Variants in SERPINA4 observed in about 807,000 individuals in gnomAD.
The protein encoded by SERPINA4 is kallistatin.
A neutral mutation model predicts 25.4 loss-of-function variants in SERPINA4; 24 were observed. The ratio of observed to expected loss-of-function variants is 0.95; its 90% CI spans 0.69 to 1.33. SERPINA4 has a LOEUF of 1.33. SERPINA4 is among the 40% of genes most tolerant of loss of function. The pLI is 0.00. For synonymous variants in SERPINA4, 242 were observed against 223.6 expected, an observed-to-expected ratio of 1.08 and a Z score of -0.73; for missense variants, 553 against 535.8, an observed-to-expected ratio of 1.03 and a Z score of -0.32.
chr14:94,564,124 C>T lies in SERPINA4; in HGVS notation c.642C>T (p.Tyr214=). The T allele has an allele frequency of 1.2e-6, 2 of 1,600,138 alleles. No homozygotes were observed. Among genetic ancestry groups the T allele is most frequent in the Non-Finnish European group, 1.7e-6 (2 of 1,179,848 alleles). Residue 214 remains tyrosine (Y), a synonymous_variant, in exon 2 of 5, where the codon TAC becomes TAT. Coordinates refer to ENST00000557004, the MANE Select transcript of SERPINA4 (RefSeq NM_006215.4). Reference sequence around the variant, plus strand: ...TGATGGTGCTGGTGAATTACATTTACTTCAAAGGTGAGAGTCAGATCATTG... The same window carrying T: ...TGATGGTGCTGGTGAATTACATTTATTTCAAAGGTGAGAGTCAGATCATTG... ...DVLMVLVNYI[Y]FKALWEKPFI...
chr14:94,563,685 C>G lies in SERPINA4; in HGVS notation c.203C>G (p.Ser68Trp). The G allele has an allele frequency of 6.2e-7, 1 of 1,613,890 alleles. No homozygotes were observed. The highest frequency in any genetic ancestry group is 8.5e-7 in the Non-Finnish European group (1 of 1,180,044). ...FAFRFYYLIASETPGKNIFFS... is the reference protein window; with the variant it reads ...FAFRFYYLIAWETPGKNIFFS... The stretch of plus-strand genomic sequence containing the variant: ...TTCCGCTTCTACTACCTGATCGCTT[C>G]GGAGACCCCGGGGAAGAACATCTTT... Residue 68 changes from serine to tryptophan, a missense_variant, in exon 2 of 5, where the codon TCG becomes TGG. Ser to Trp is a radical substitution (Grantham distance 177). Coordinates refer to ENST00000557004, the MANE Select transcript of SERPINA4 (RefSeq NM_006215.4).
At chr14:94,561,771 CACTG>C in intron 1 of SERPINA4, 1 of 1,289,774 alleles carries the variant, frequency 7.8e-7, no homozygotes, top group South Asian at 1.2e-5. Context: ...TACAGGGCGG[CACTG>C]ACTGAGGGCC....
At position 94,563,571 on chromosome 14, in the gene SERPINA4, G is replaced by T. The variant is rs1430785824; in HGVS notation, c.89G>T (p.Ser30Ile). ...CTGCACGTTGAGCATGATGGTGAGAGTTGCAGTAACAGCTCCCACCAGCAG... is the reference window on the plus strand; with the variant it reads ...CTGCACGTTGAGCATGATGGTGAGATTTGCAGTAACAGCTCCCACCAGCAG... ...GQLHVEHDGESCSNSSHQQIL... is the reference protein window; with the variant it reads ...GQLHVEHDGEICSNSSHQQIL... Residue 30 changes from serine (S) to isoleucine (I), a missense_variant, in exon 2 of 5, where the codon AGT becomes ATT. Ser to Ile is a moderately radical substitution (Grantham distance 142, BLOSUM62 -2). Transcript: ENST00000557004. 6.2e-7 allele frequency: 1 copy of T among 1,614,066 alleles called. No homozygotes were observed. The highest frequency in any genetic ancestry group is 8.5e-7 in the Non-Finnish European group (1 of 1,180,052).
intron 2 of SERPINA4, among the ~76,000 whole-genome samples, chr14:94,564,923 C>T (rs1177363162): frequency 6.6e-6 from 1 of 152,232 alleles, no homozygotes; most frequent in Non-Finnish European, 1.5e-5. Context: ...AATGTTTTAG[C>T]ATCTTTTCTT....
rs776919966 is a variant in SERPINA4 at position 94,569,491 on chromosome 14, C to G, written c.1180C>G (p.Arg394Gly). 4 of 1,614,212 alleles carry G rather than the reference C, an allele frequency of 2.5e-6. No homozygotes were observed. The change falls in exon 5 of 5, where the codon CGC becomes GGC. Residue 394 changes from arginine (R) to glycine (G), a missense_variant. Transcript: ENST00000557004. ...AIKFFSAQTN[R>G]HILRFNRPFL... ...CAAATTCTTCTCTGCCCAGACCAAT[C>G]GCCACATCCTGCGATTCAACCGGCC...
intron 4 of SERPINA4, 31 bp downstream of exon 4, chr14:94,568,319 G>A (rs774526801): frequency 1.5e-5 from 24 of 1,613,068 alleles, no homozygotes; most frequent in Non-Finnish European, 1.9e-5. Flanking sequence ...AATCCCTAGA[G>A]AACTCGGTAG....
At chr14:94,564,878 A>T (rs1053891998) in intron 2 of SERPINA4, among the ~76,000 whole-genome samples, 2 of 152,252 alleles carry the variant, frequency 1.3e-5, no homozygotes, top group Non-Finnish European at 2.9e-5. Flanking sequence ...AGTAGACATA[A>T]TCTCTAGTCC....
chr14:94,565,661 C>T (rs112202922), intron 2 of SERPINA4, among the ~76,000 whole-genome samples: 1 of 142,726 alleles, frequency 7.0e-6, no homozygotes, highest in South Asian at 2.2e-4. Context: ...GCCCGGCCAA[C>T]ATGGCAAAAC....
chr14:94,567,292 G>A (rs756006683), intron 3 of SERPINA4, 49 bp downstream of exon 3: 4 of 1,543,106 alleles, frequency 2.6e-6, no homozygotes, highest in East Asian at 2.3e-5. Context: ...TCCATCAAAT[G>A]TAACTTTCTA....
intron 2 of SERPINA4, among the ~76,000 whole-genome samples, chr14:94,564,705 A>T (rs981234520): frequency 6.6e-6 from 1 of 152,234 alleles, no homozygotes; most frequent in Non-Finnish European, 1.5e-5. Context: ...TACTGCAGAG[A>T]TTGAATGATC....
At chr14:94,564,648 T>C (rs1374883703) in intron 2 of SERPINA4, among the ~76,000 whole-genome samples, 2 of 152,256 alleles carry the variant, frequency 1.3e-5, no homozygotes, top group Non-Finnish European at 2.9e-5. Flanking sequence ...CATTCATTTA[T>C]GTATTGTCTG....
rs9944021 is a variant in SERPINA4 at position 94,561,913 on chromosome 14, A to C, written c.-18+419A>C. On this transcript the variant is annotated intron_variant, in intron 1 of 4. Transcript: ENST00000557004. ...TCCAACTGCTGAGTGGAGAACAGAG[A>C]GCAGAAAGACTAGGAAGCTTTCTGC... 6.9e-3 allele frequency: 8,811 copies of C among 1,275,202 alleles called. 489 individuals carry two copies. In the African/African-American group the frequency reaches 0.12, roughly 17 times the overall value. 79.0% of individuals were successfully genotyped at this position (1,275,202 alleles called of 1,614,324 possible). A position where few individuals can be genotyped will look rare whatever the true frequency, so the allele number is the denominator to read the frequency against.
chr14:94,565,463 A>C (rs1254721025), intron 2 of SERPINA4, among the ~76,000 whole-genome samples: 2 of 152,204 alleles, frequency 1.3e-5, no homozygotes, highest in Non-Finnish European at 2.9e-5. Context: ...TCTAGGGAGC[A>C]ACTCCCAGCC....
At position 94,563,854 on chromosome 14, in the gene SERPINA4, C is replaced by G; in HGVS notation, c.372C>G (p.Leu124=). The G allele has an allele frequency of 6.2e-7, 1 of 1,614,190 alleles. No homozygotes were observed. Among genetic ancestry groups the G allele is most frequent in the Non-Finnish European group, 8.5e-7 (1 of 1,180,048 alleles). Residue 124 remains leucine, a synonymous_variant, in exon 2 of 5, where the codon CTC becomes CTG. Coordinates refer to ENST00000557004, the MANE Select transcript of SERPINA4 (RefSeq NM_006215.4). ...ATGTCCATAGGGGCTTCCAGCACCT[C>G]CTGCACACTCTCAACCTCCCCGGCC... ...ESDVHRGFQH[L]LHTLNLPGHG...
chr14:94,566,282 T>C (rs112748954), intron 2 of SERPINA4, among the ~76,000 whole-genome samples: 4,552 of 152,318 alleles, frequency 0.03, 120 homozygotes, highest in Non-Finnish European at 0.044. Flanking sequence ...GGGCTGATGG[T>C]CTCACTTGAT....
intron 2 of SERPINA4, among the ~76,000 whole-genome samples, chr14:94,566,091 C>T (rs892241036): frequency 2.6e-5 from 4 of 152,252 alleles, no homozygotes; most frequent in East Asian, 1.9e-4. Context: ...CACACTGCAG[C>T]GATTCCATGG....
At chr14:94,565,006 A>G (rs1902158109) in intron 2 of SERPINA4, among the ~76,000 whole-genome samples, 1 of 152,198 alleles carries the variant, frequency 6.6e-6, no homozygotes. Context: ...TACGGTGTGT[A>G]TTAGCCAGGG....
At chr14:94,568,867 CAAA>C (rs33940669) in intron 4 of SERPINA4, among the ~76,000 whole-genome samples, 2 of 81,214 alleles carry the variant, frequency 2.5e-5, no homozygotes, top group Non-Finnish European at 2.6e-5. Flanking sequence ...GACTCCATCT[CAAA>C]AAAAAAAAAA....
In SERPINA4 at chr14:94,566,967, C is replaced by A; in HGVS notation, c.650-3C>A. Reference sequence around the variant, plus strand: ...CTGTACCTTCTTTTCATCTTCCCTTCAGCCCTGTGGGAGAAACCATTCATT... The same window carrying A: ...CTGTACCTTCTTTTCATCTTCCCTTAAGCCCTGTGGGAGAAACCATTCATT... On this transcript the variant is annotated splice_region_variant and splice_polypyrimidine_tract_variant and intron_variant, in intron 2 of 4. Coordinates refer to ENST00000557004, the MANE Select transcript of SERPINA4 (RefSeq NM_006215.4). 2 of 1,611,418 alleles carry A rather than the reference C, an allele frequency of 1.2e-6. No homozygotes were observed. Among genetic ancestry groups the A allele is most frequent in the Non-Finnish European group, 1.7e-6 (2 of 1,178,216 alleles).
Sources: gnomAD v4.1 joint callset for allele counts (sites outside exome capture counted in the v4.1 genomes callset) on GRCh38, gnomAD v4.1.1 for gene constraint, MANE v1.5 for transcripts, NCBI Gene and HGNC (gene_info 2026-07-23, HGNC 2026-07-21) for gene names.